HCN1: variants seen among roughly 807,000 people sequenced by gnomAD.
HCN1 encodes potassium/sodium hyperpolarization-activated cyclic nucleotide-gated channel 1.
HCN1 carries 13 observed loss-of-function variants against 78.9 expected under a neutral mutation model. The ratio of observed to expected loss-of-function variants is 0.16; its 90% confidence interval spans 0.11 to 0.26. HCN1 has a LOEUF of 0.26. Among genes scored for constraint, HCN1 ranks in the 10% least tolerant of loss-of-function variants. HCN1 has a pLI of 1.00. For missense variants in HCN1, 810 were observed against 1,154.3 expected, an observed-to-expected ratio of 0.70 and a Z score of 4.32; for synonymous variants, 552 against 455.5, an observed-to-expected ratio of 1.21 and a Z score of -2.70.
rs377435266 is a variant in HCN1, at chr5:45,542,698, G to A, written c.850-80691C>T. Among the ~76,000 whole-genome samples, 110 of 152,240 alleles carry A rather than the reference G, an allele frequency of 7.2e-4. No individual in the cohort carries two copies. The South Asian group carries it at 0.021, about 29-fold the overall frequency. On this transcript the variant is annotated intron_variant, in intron 2 of 7. Coordinates refer to ENST00000303230, the MANE Select transcript of HCN1 (RefSeq NM_021072.4). ...ACCCACGAGGACTGACTTGTCCTGT[G>A]TACTTTCCAGTGACAGGATTTCTAC...
chr5:45,563,275 AC>A (rs1743642315), intron 2 of HCN1, among the ~76,000 whole-genome samples: 1 of 151,758 alleles, frequency 6.6e-6, no homozygotes, highest in South Asian at 2.1e-4. Flanking sequence ...CATGGTGAAA[AC>A]CCGTCTCCAC....
intron 6 of HCN1, among the ~76,000 whole-genome samples, chr5:45,283,356 A>C (rs145418152): frequency 0.013 from 1,977 of 152,288 alleles, 19 homozygotes; most frequent in Middle Eastern, 0.062. Context: ...GTAAACAGAC[A>C]ACCTACAGAA....
chr5:45,354,037 C>T (rs1746963507), intron 4 of HCN1, among the ~76,000 whole-genome samples: 1 of 151,610 alleles, frequency 6.6e-6, no homozygotes, highest in Admixed American at 6.6e-5. Flanking sequence ...TGCGCGTGCA[C>T]ACACACACAC....
At chr5:45,402,210 A>G (rs952812618) in intron 3 of HCN1, among the ~76,000 whole-genome samples, 3 of 152,202 alleles carry the variant, frequency 2.0e-5, no homozygotes, top group African/African-American at 4.8e-5. Context: ...CTGAGTCCTT[A>G]AACATTTTCA....
intron 3 of HCN1, among the ~76,000 whole-genome samples, chr5:45,452,332 G>GC (rs1554025919): frequency 7.8e-6 from 1 of 128,618 alleles, no homozygotes; most frequent in Admixed American, 7.8e-5. Flanking sequence ...TTTTTTTTTT[G>GC]TTTTTTTTTT....
At position 45,492,107 on chromosome 5, in the gene HCN1, CAT is replaced by C. The variant is rs573248103; in HGVS notation, c.850-30102_850-30101del. The stretch of plus-strand genomic sequence containing the variant: ...AGCAGCAGATTAAGCTAACACACAT[CAT>C]ATGTCATGAGTGTTACACCAGCTAC... On this transcript the variant is annotated intron_variant, in intron 2 of 7. Coordinates refer to ENST00000303230, the MANE Select transcript of HCN1 (RefSeq NM_021072.4). Among the ~76,000 whole-genome samples, 559 of 152,088 alleles carry C rather than the reference CAT, an allele frequency of 3.7e-3. 3 individuals carry two copies. The highest frequency in any genetic ancestry group is 6.4e-3 in the Non-Finnish European group (433 of 67,984).
intron 1 of HCN1, among the ~76,000 whole-genome samples, chr5:45,694,878 C>T (rs574004600): frequency 3.7e-4 from 57 of 152,302 alleles, no homozygotes; most frequent in Admixed American, 7.2e-4. Context: ...TGTCCTTCTT[C>T]CCGAGCTGGA....
chr5:45,463,068 A>G (rs1021336845), intron 2 of HCN1, among the ~76,000 whole-genome samples: 16 of 152,028 alleles, frequency 1.1e-4, no homozygotes, highest in African/African-American at 2.9e-4. Context: ...GATATTTAGA[A>G]TCACTTTTTG....
At chr5:45,682,292 C>CAT (rs1265512591) in intron 1 of HCN1, among the ~76,000 whole-genome samples, 1 of 117,830 alleles carries the variant, frequency 8.5e-6, no homozygotes, top group Non-Finnish European at 1.7e-5. Flanking sequence ...TATATATACA[C>CAT]ATATATATAT....
At chr5:45,643,583 A>G (rs1745494848) in intron 2 of HCN1, 1 of 152,164 alleles carries the variant, frequency 6.6e-6, no homozygotes. Context: ...TGCAGTTAAG[A>G]GCACTGGCTC....
intron 1 of HCN1, among the ~76,000 whole-genome samples, chr5:45,669,716 C>G (rs543381982): frequency 1.1e-3 from 170 of 151,808 alleles, no homozygotes; most frequent in African/African-American, 4.0e-3. Flanking sequence ...TTAGATTGAT[C>G]ATGCAAAGAT....
intron 3 of HCN1, among the ~76,000 whole-genome samples, chr5:45,398,414 G>A (rs1354197703): frequency 2.6e-5 from 4 of 152,008 alleles, no homozygotes; most frequent in African/African-American, 9.7e-5. Context: ...TTATAGCTCA[G>A]TAATTTAAGT....
intron 2 of HCN1, among the ~76,000 whole-genome samples, chr5:45,590,808 G>A (rs1348891476): frequency 6.6e-6 from 1 of 152,036 alleles, no homozygotes; most frequent in Non-Finnish European, 1.5e-5. Flanking sequence ...TTCATGGCTC[G>A]ATAGCTAGTT....
chr5:45,567,311 T>G (rs1743727726), intron 2 of HCN1, among the ~76,000 whole-genome samples: 1 of 151,730 alleles, frequency 6.6e-6, no homozygotes, highest in Non-Finnish European at 1.5e-5. Flanking sequence ...AACACAACAA[T>G]AAACAAAGAA....
At chr5:45,326,153 T>G (rs1480934392) in intron 5 of HCN1, among the ~76,000 whole-genome samples, 1 of 151,530 alleles carries the variant, frequency 6.6e-6, no homozygotes, top group East Asian at 1.9e-4. Context: ...ACATATACAT[T>G]TATATATCAC....
chr5:45,489,250 T>C (rs144242624), intron 2 of HCN1, among the ~76,000 whole-genome samples: 21 of 152,252 alleles, frequency 1.4e-4, no homozygotes, highest in African/African-American at 4.8e-4. Context: ...GGAGAATTAA[T>C]AGTTTTCTGT....
rs1473925444 is a variant in HCN1, at chr5:45,438,603, C to A, written c.1011+23243G>T. Among the ~76,000 whole-genome samples, 96 of 148,110 alleles carry A rather than the reference C, an allele frequency of 6.5e-4. 1 individual carries two copies. Among genetic ancestry groups the A allele is most frequent in the South Asian group, 1.3e-3 (6 of 4,690 alleles). The stretch of plus-strand genomic sequence containing the variant: ...AGACTCCGTCTCAAAAAAAAAAAAA[C>A]AAAACAAACAAAAAAAGAAAAACAA... On this transcript the variant is annotated intron_variant, in intron 3 of 7. Coordinates refer to ENST00000303230, the MANE Select transcript of HCN1 (RefSeq NM_021072.4).
intron 2 of HCN1, among the ~76,000 whole-genome samples, chr5:45,562,628 C>T (rs572370328): frequency 1.3e-5 from 2 of 152,086 alleles, no homozygotes; most frequent in African/African-American, 4.8e-5. Context: ...GTAAAAATAA[C>T]AGGCACAAAG....
chr5:45,296,035 C>T (rs1745485561), intron 6 of HCN1, among the ~76,000 whole-genome samples: 1 of 151,996 alleles, frequency 6.6e-6, no homozygotes, highest in Admixed American at 6.6e-5. Flanking sequence ...CCATAAAAGG[C>T]TTGTGCTTCT....
Sources: allele counts gnomAD v4.1 joint callset (sites outside exome capture counted in the v4.1 genomes callset), GRCh38; gene constraint gnomAD v4.1.1; transcripts MANE v1.5; gene names NCBI Gene and HGNC (gene_info 2026-07-23, HGNC 2026-07-21).